NKAIN2: variants seen among roughly 807,000 people sequenced by gnomAD.
NKAIN2 encodes the protein sodium/potassium-transporting ATPase subunit beta-1-interacting protein 2.
Under a neutral mutation model 32.6 loss-of-function variants are expected in NKAIN2, and 14 were observed. The ratio of observed to expected loss-of-function variants is 0.43; its 90% CI spans 0.28 to 0.67. The LOEUF (loss-of-function observed/expected upper bound fraction) is 0.67, where lower values mean the gene tolerates loss of function less well. Among genes scored for constraint, NKAIN2 ranks in the 30% least tolerant of loss-of-function variants. The pLI, the probability that NKAIN2 is intolerant of heterozygous loss-of-function variation, is 0.17. For synonymous variants in NKAIN2, 80 were observed against 87.2 expected (o/e 0.92, Z 0.46); for missense variants, 198 against 258.3 (o/e 0.77, Z 1.60).
chr6:124,009,033 A>G (rs1780204816), intron 1 of NKAIN2, among the ~76,000 whole-genome samples: 1 of 152,224 alleles, frequency 6.6e-6, no homozygotes, highest in East Asian at 1.9e-4. Flanking sequence ...TTACAATTAA[A>G]AAGAAATGAA....
intron 1 of NKAIN2, among the ~76,000 whole-genome samples, chr6:124,023,305 C>G (rs1780956886): frequency 6.6e-6 from 1 of 151,944 alleles, no homozygotes; most frequent in African/African-American, 2.4e-5. Flanking sequence ...AAATGCTATT[C>G]TGATTCCTTG....
At chr6:124,371,302 C>T (rs186167221) in intron 3 of NKAIN2, among the ~76,000 whole-genome samples, 47 of 151,862 alleles carry the variant, frequency 3.1e-4, no homozygotes, top group East Asian at 2.5e-3. Context: ...TACGAGATAA[C>T]GAGACAAGAG....
At chr6:124,472,716 GA>G (rs1777024386) in intron 3 of NKAIN2, among the ~76,000 whole-genome samples, 1 of 58,302 alleles carries the variant, frequency 1.7e-5, no homozygotes, top group Admixed American at 1.5e-4. Context: ...AGAGTAGGCA[GA>G]TAAAAAAAAA....
chr6:124,124,757 C>A (rs986216292), intron 1 of NKAIN2, among the ~76,000 whole-genome samples: 2 of 152,090 alleles, frequency 1.3e-5, no homozygotes, highest in African/African-American at 4.8e-5. Flanking sequence ...TCTCCTGAAT[C>A]AAGATATGCA....
chr6:124,356,823 T>C (rs1474761544), intron 3 of NKAIN2, among the ~76,000 whole-genome samples: 1 of 152,230 alleles, frequency 6.6e-6, no homozygotes, highest in African/African-American at 2.4e-5. Context: ...CATAGTCGAA[T>C]GACTTTTAAT....
chr6:123,869,406 C>T (rs1002941701), intron 1 of NKAIN2, among the ~76,000 whole-genome samples: 1 of 152,152 alleles, frequency 6.6e-6, no homozygotes, highest in Admixed American at 6.5e-5. Context: ...TTCTGCAGCT[C>T]TCATACTCCC....
At chr6:124,369,149 C>A (rs537281426) in intron 3 of NKAIN2, among the ~76,000 whole-genome samples, 150 of 152,138 alleles carry the variant, frequency 9.9e-4, no homozygotes, top group African/African-American at 3.5e-3. Flanking sequence ...ATGAACATGA[C>A]GTAAGCAATT....
intron 3 of NKAIN2, among the ~76,000 whole-genome samples, chr6:124,563,545 G>T (rs1303719921): frequency 2.0e-5 from 3 of 152,080 alleles, no homozygotes; most frequent in Non-Finnish European, 2.9e-5. Flanking sequence ...TGTCCACAGG[G>T]TCTTTCACAA....
At chr6:124,724,628 G>A (rs1474571893) in intron 4 of NKAIN2, among the ~76,000 whole-genome samples, 1 of 152,154 alleles carries the variant, frequency 6.6e-6, no homozygotes, top group African/African-American at 2.4e-5. Context: ...ATGAGTTATA[G>A]TGATATAACA....
At chr6:124,396,428 TAA>T (rs529161089) in intron 3 of NKAIN2, among the ~76,000 whole-genome samples, 12 of 129,514 alleles carry the variant, frequency 9.3e-5, no homozygotes, top group Admixed American at 1.6e-4. Flanking sequence ...GCTATTTGAT[TAA>T]AAAAAAAAAA....
chr6:124,100,347 G>C (rs1442259106), intron 1 of NKAIN2, among the ~76,000 whole-genome samples: 1 of 152,146 alleles, frequency 6.6e-6, no homozygotes, highest in Non-Finnish European at 1.5e-5. Context: ...AAAAAAATTG[G>C]TTTTATCATG....
At chr6:124,600,565 T>C (rs570946915) in intron 3 of NKAIN2, among the ~76,000 whole-genome samples, 14 of 152,188 alleles carry the variant, frequency 9.2e-5, no homozygotes, top group African/African-American at 3.4e-4. Flanking sequence ...GATAATTTGC[T>C]TTGAAAGTAT....
intron 1 of NKAIN2, among the ~76,000 whole-genome samples, chr6:123,952,006 C>T (rs1317011732): frequency 6.6e-6 from 1 of 151,450 alleles, no homozygotes; most frequent in Non-Finnish European, 1.5e-5. Flanking sequence ...CTATCTTCTT[C>T]TGTGTTTTCA....
rs1419876536 is a variant in NKAIN2, at chr6:124,823,433, CTCTT to C, written c.*208_*211del. On this transcript the variant is annotated 3_prime_UTR_variant, in exon 7 of 7. Transcript: ENST00000368417. ...GCACACACCAATTCCACTTGACCTC[CTCTT>C]TCTAACTGAAACAGACAAATATGCA... is the stretch of plus-strand genomic sequence containing the variant. 1.7e-5 allele frequency: 9 copies of C among 525,028 alleles called. No homozygotes were observed. The highest frequency in any genetic ancestry group is 4.9e-4 in the Middle Eastern group (1 of 2,044). 32.5% of individuals were successfully genotyped at this position (525,028 alleles called of 1,614,324 possible). A position where few individuals can be genotyped will look rare whatever the true frequency, so the allele number is the denominator to read the frequency against.
chr6:124,145,748 A>AC (rs1407634217), intron 1 of NKAIN2, among the ~76,000 whole-genome samples: 3 of 151,140 alleles, frequency 2.0e-5, no homozygotes, highest in African/African-American at 4.9e-5. Context: ...CTCGTGATCC[A>AC]CCCCCCTCAG....
intron 3 of NKAIN2, among the ~76,000 whole-genome samples, chr6:124,439,370 T>TA (rs1240842262): frequency 6.7e-6 from 1 of 149,700 alleles, no homozygotes; most frequent in Admixed American, 6.7e-5. Context: ...TTTTTTTTTT[T>TA]ATCTCCATGA....
intron 2 of NKAIN2, among the ~76,000 whole-genome samples, chr6:124,336,887 G>A (rs1320189393): frequency 6.6e-6 from 1 of 151,828 alleles, no homozygotes; most frequent in African/African-American, 2.4e-5. Flanking sequence ...TGGCCAGGAT[G>A]GTCTCGATCT....
At chr6:124,219,164 G>T (rs1466184009) in intron 1 of NKAIN2, among the ~76,000 whole-genome samples, 1 of 152,048 alleles carries the variant, frequency 6.6e-6, no homozygotes, top group Non-Finnish European at 1.5e-5. Flanking sequence ...TATCAAGTAT[G>T]AAAACTGATC....
chr6:124,199,124 T>G (rs374467199), intron 1 of NKAIN2, among the ~76,000 whole-genome samples: 13 of 152,338 alleles, frequency 8.5e-5, no homozygotes, highest in African/African-American at 3.1e-4. Flanking sequence ...CGGTATCTCC[T>G]TTGAAAAATT....
Sources: gnomAD v4.1 joint callset for allele counts (sites outside exome capture counted in the v4.1 genomes callset) on GRCh38, gnomAD v4.1.1 for gene constraint, MANE v1.5 for transcripts, NCBI Gene and HGNC (gene_info 2026-07-23, HGNC 2026-07-21) for gene names.